PDZK1: variants seen among roughly 807,000 people sequenced by gnomAD.
The protein encoded by PDZK1 is Na(+)/H(+) exchange regulatory cofactor NHE-RF3.
A neutral mutation model predicts 38.1 loss-of-function variants in PDZK1; 23 were observed. The ratio of observed to expected loss-of-function variants is 0.60; its 90% confidence interval spans 0.43 to 0.85. PDZK1 has a LOEUF of 0.85. Ranked by LOEUF, PDZK1 falls within the 40% of genes least tolerant of loss-of-function variation. The pLI, the probability that PDZK1 is intolerant of heterozygous loss-of-function variation, is 0.00. For missense variants in PDZK1, 297 were observed against 504.3 expected (o/e 0.59, Z 3.94); for synonymous variants, 98 against 186.2 (o/e 0.53, Z 3.86).
At chr1:145,697,995 CTG>C (rs1392890495) in intron 1 of PDZK1, among the ~76,000 whole-genome samples, 1 of 151,610 alleles carries the variant, frequency 6.6e-6, no homozygotes, top group Non-Finnish European at 1.5e-5. Context: ...AACATGGAAA[CTG>C]GGGTTAGCCT....
At chr1:145,677,165 G>A (rs1404004280) in intron 6 of PDZK1, among the ~76,000 whole-genome samples, 47 of 152,272 alleles carry the variant, frequency 3.1e-4, no homozygotes, top group Admixed American at 2.7e-3. Flanking sequence ...TTTGGATGGG[G>A]CAACCACTTG....
chr1:145,672,715 T>C lies in PDZK1; in HGVS notation c.1506+15A>G, dbSNP rs782384273. ...TAGTAAATTAGATCACGAAAAGAAATAGGCCCCCACTCACCCGTTCTTTTG... is the reference window on the plus strand; with the variant it reads ...TAGTAAATTAGATCACGAAAAGAAACAGGCCCCCACTCACCCGTTCTTTTG... On this transcript the variant is annotated intron_variant, in intron 8 of 8. Transcript: ENST00000417171. 47 of 1,611,616 alleles carry C rather than the reference T, an allele frequency of 2.9e-5. No individual in the cohort carries two copies. The highest frequency in any genetic ancestry group is 3.6e-5 in the Non-Finnish European group (43 of 1,179,708).
At chr1:145,703,724 A>T (rs1464536271) in intron 1 of PDZK1, among the ~76,000 whole-genome samples, 1 of 152,080 alleles carries the variant, frequency 6.6e-6, no homozygotes, top group Non-Finnish European at 1.5e-5. Flanking sequence ...GCACAGTTAT[A>T]TGTTGAAAAA....
Position 145,688,004 on chromosome 1 carries a change from G to T in PDZK1, c.18C>A (p.Asn6Lys). The change falls in exon 2 of 9, where the codon AAC becomes AAA. Residue 6 changes from asparagine (N) to lysine (K), a missense_variant. Physicochemically the swap from Asn to Lys is moderately conservative, Grantham distance 94 (BLOSUM62 0). This residue lies in a region of PDZK1 where 159 missense variants were observed against 200.0 expected (regional missense o/e 0.79). Transcript: ENST00000417171. ...GCTTGGACAGTTTACATTCTCGGGGGTTGAAGGTGGAGGTCATTTCTGTGA... is the reference window on the plus strand; with the variant it reads ...GCTTGGACAGTTTACATTCTCGGGGTTTGAAGGTGGAGGTCATTTCTGTGA... Reference protein sequence around the residue: MTSTFNPRECKLSKQE... With the variant: MTSTFKPRECKLSKQE... The T allele has an allele frequency of 1.2e-6, 2 of 1,613,328 alleles. No homozygotes were observed. Among genetic ancestry groups the T allele is most frequent in the Non-Finnish European group, 1.7e-6 (2 of 1,179,706 alleles).
chr1:145,686,161 G>A (rs587649844), intron 3 of PDZK1, among the ~76,000 whole-genome samples: 1 of 152,182 alleles, frequency 6.6e-6, no homozygotes, highest in Non-Finnish European at 1.5e-5. Flanking sequence ...AAGAGGGCTA[G>A]AAGCATCAAC....
At chr1:145,681,995 CCCTATCTCT>C (rs1654305098) in intron 4 of PDZK1, among the ~76,000 whole-genome samples, 1 of 90,366 alleles carries the variant, frequency 1.1e-5, no homozygotes, top group Non-Finnish European at 2.2e-5. Context: ...CATAGTGAGA[CCCTATCTCT>C]ACAAAACACA....
chr1:145,685,101 T>C (rs1654635063), intron 3 of PDZK1, among the ~76,000 whole-genome samples: 1 of 152,004 alleles, frequency 6.6e-6, no homozygotes, highest in Non-Finnish European at 1.5e-5. Context: ...CAAGATTTCA[T>C]TACACTACTC....
intron 8 of PDZK1, chr1:145,671,721 A>G: frequency 2.0e-6 from 1 of 494,020 alleles, no homozygotes; most frequent in South Asian, 2.9e-5. Flanking sequence ...GGGTATGACT[A>G]GAAGTCAGGT....
chr1:145,699,960 A>C (rs1450299106), intron 1 of PDZK1, among the ~76,000 whole-genome samples: 1 of 152,194 alleles, frequency 6.6e-6, no homozygotes. Flanking sequence ...CTCTCAGCAC[A>C]GTTTCTGGAG....
chr1:145,697,894 A>T (rs1655729467), intron 1 of PDZK1, among the ~76,000 whole-genome samples: 1 of 148,898 alleles, frequency 6.7e-6, no homozygotes, highest in South Asian at 2.1e-4. Context: ...CTGGGATTAC[A>T]GGCATGAGCC....
chr1:145,706,305 G>A (rs1553705723), intron 1 of PDZK1, among the ~76,000 whole-genome samples: 1 of 152,144 alleles, frequency 6.6e-6, no homozygotes, highest in African/African-American at 2.4e-5. Context: ...ACACCCTATG[G>A]TGCAGAGAAC....
chr1:145,691,463 TG>T (rs1363529308), intron 1 of PDZK1, among the ~76,000 whole-genome samples: 7 of 152,196 alleles, frequency 4.6e-5, no homozygotes, highest in Non-Finnish European at 7.3e-5. Flanking sequence ...GAAGGATCTT[TG>T]TATTTAAGGA....
intron 1 of PDZK1, among the ~76,000 whole-genome samples, chr1:145,706,556 A>G (rs892571245): frequency 6.6e-6 from 1 of 152,150 alleles, no homozygotes; most frequent in African/African-American, 2.4e-5. Flanking sequence ...GCTGGACCCA[A>G]CCCAGACCAG....
intron 2 of PDZK1, 101 bp from the exon 3 acceptor site, chr1:145,686,827 T>C: frequency 1.5e-6 from 1 of 683,526 alleles, no homozygotes; most frequent in Non-Finnish European, 2.5e-6. Context: ...GAGATGCTGC[T>C]AGTTGACCCT....
At position 145,672,887 on chromosome 1, in the gene PDZK1, ACATTCTT is replaced by A; in HGVS notation, c.1342_1348del (p.Lys448SerfsTer4). The A allele has an allele frequency of 6.2e-7, 1 of 1,609,144 alleles. No individual in the cohort carries two copies. Among genetic ancestry groups the A allele is most frequent in the Non-Finnish European group, 8.5e-7 (1 of 1,177,720 alleles). ...CTTCTTTCCACAGACTAGAAGTGTGACATTCTTCCCACTGCTCTGGATTCTATCCACC... is the reference window on the plus strand; with the variant it reads ...CTTCTTTCCACAGACTAGAAGTGTGACCCACTGCTCTGGATTCTATCCACC... On this transcript the variant is annotated frameshift_variant, in exon 8 of 9. Coordinates refer to ENST00000417171, the MANE Select transcript of PDZK1 (RefSeq NM_001201325.2). LOFTEE classifies it high-confidence loss of function.
chr1:145,704,119 A>T (rs1656122981), intron 1 of PDZK1, among the ~76,000 whole-genome samples: 1 of 152,024 alleles, frequency 6.6e-6, no homozygotes, highest in Admixed American at 6.6e-5. Context: ...GTGAGCCATC[A>T]TGCCCAGCCA....
chr1:145,696,848 T>C (rs1296881183), intron 1 of PDZK1, among the ~76,000 whole-genome samples: 1 of 152,010 alleles, frequency 6.6e-6, no homozygotes, highest in Non-Finnish European at 1.5e-5. Flanking sequence ...CAATGTCAGT[T>C]TGAGGTAGGT....
chr1:145,699,973 T>G (rs1428116148), intron 1 of PDZK1, among the ~76,000 whole-genome samples: 3 of 152,188 alleles, frequency 2.0e-5, no homozygotes, highest in Non-Finnish European at 4.4e-5. Context: ...TTCTGGAGCA[T>G]AGAAGTCCAC....
chr1:145,701,509 C>T (rs1655958518), intron 1 of PDZK1, among the ~76,000 whole-genome samples: 1 of 152,068 alleles, frequency 6.6e-6, no homozygotes, highest in Non-Finnish European at 1.5e-5. Flanking sequence ...GTTCTTGCAG[C>T]ACTTGTGTGC....
Sources: gnomAD v4.1 joint callset for allele counts (sites outside exome capture counted in the v4.1 genomes callset) on GRCh38, gnomAD v4.1.1 for gene constraint, gnomAD v4.1.1 regional missense constraint, MANE v1.5 for transcripts, NCBI Gene and HGNC (gene_info 2026-07-23, HGNC 2026-07-21) for gene names.